ADARB2: variants seen among roughly 807,000 people sequenced by gnomAD.
The protein encoded by ADARB2 is inactive double-stranded RNA-specific editase B2.
In ADARB2, 25 loss-of-function variants were observed where a neutral mutation model predicts 62.2. The observed-to-expected ratio is 0.40, with a 90% CI of 0.29 to 0.56. The LOEUF (loss-of-function observed/expected upper bound fraction) is 0.56, where lower values mean the gene tolerates loss of function less well. Ranked by LOEUF, ADARB2 falls within the 20% of genes least tolerant of loss-of-function variation. ADARB2 has a pLI of 0.43. For synonymous variants in ADARB2, 572 were observed against 500.8 expected (o/e 1.14, Z -1.90); for missense variants, 1,071 against 1,077.4 (o/e 0.99, Z 0.08).
intron 1 of ADARB2, among the ~76,000 whole-genome samples, chr10:1,481,998 C>T (rs1372401581): frequency 6.6e-6 from 1 of 152,130 alleles, no homozygotes; most frequent in Admixed American, 6.5e-5. Context: ...AAAAGATGCT[C>T]AACATGACAA....
chr10:1,214,177 G>A (rs1485503867), intron 7 of ADARB2, among the ~76,000 whole-genome samples: 21 of 150,074 alleles, frequency 1.4e-4, no homozygotes. Flanking sequence ...ACCTGTGCCC[G>A]GACCTGCTGG....
intron 1 of ADARB2, among the ~76,000 whole-genome samples, chr10:1,730,222 T>C (rs1323865918): frequency 1.3e-5 from 2 of 152,200 alleles, no homozygotes; most frequent in Non-Finnish European, 2.9e-5. Flanking sequence ...GATCTGTTGC[T>C]GGCACCGTTA....
intron 1 of ADARB2, among the ~76,000 whole-genome samples, chr10:1,436,032 C>T (rs17156341): frequency 0.13 from 19,783 of 152,004 alleles, 1,810 homozygotes; most frequent in African/African-American, 0.25. Flanking sequence ...CCAGAGAAGT[C>T]GGGAGGATGT....
At chr10:1,425,639 G>A (rs1037786406) in intron 1 of ADARB2, among the ~76,000 whole-genome samples, 1 of 152,246 alleles carries the variant, frequency 6.6e-6, no homozygotes, top group Admixed American at 6.5e-5. Flanking sequence ...GATCTAAGCA[G>A]AACCTTCCAT....
chr10:1,563,135 C>T (rs1832809390), intron 1 of ADARB2, among the ~76,000 whole-genome samples: 1 of 151,970 alleles, frequency 6.6e-6, no homozygotes, highest in African/African-American at 2.4e-5. Flanking sequence ...ACGTGAGTCC[C>T]TGTGTCCTCC....
chr10:1,343,529 C>A (rs977077123), intron 3 of ADARB2, among the ~76,000 whole-genome samples: 5 of 152,300 alleles, frequency 3.3e-5, no homozygotes, highest in East Asian at 1.9e-4. Flanking sequence ...TGGGTATATA[C>A]CCAAAGGAAT....
In ADARB2 at chr10:1,215,668, A is replaced by G. The variant is rs560620426; in HGVS notation, c.1682+1283T>C. On this transcript the variant is annotated intron_variant, in intron 7 of 9. Transcript: ENST00000381312. ...CTGCAGATGACAGAGGAACAGGACG[A>G]CCAGAGTGTCCAAGGGTGTTCTGGG... The G allele has an allele frequency of 2.0e-5, 3 of 152,350 alleles. No homozygotes were observed. The East Asian group carries it at 5.8e-4, about 29-fold the overall frequency. The allele number at this position is 152,350 out of a possible 1,614,324, so 9.4% of individuals were successfully genotyped here. A position where few individuals can be genotyped will look rare whatever the true frequency, so the allele number is the denominator to read the frequency against.
At chr10:1,555,764 G>T (rs1438817468) in intron 1 of ADARB2, among the ~76,000 whole-genome samples, 1 of 152,096 alleles carries the variant, frequency 6.6e-6, no homozygotes, top group Non-Finnish European at 1.5e-5. Context: ...GTGAAACCCT[G>T]TCTCTACTAA....
At chr10:1,299,276 G>A (rs1050914975) in intron 3 of ADARB2, among the ~76,000 whole-genome samples, 1 of 151,942 alleles carries the variant, frequency 6.6e-6, no homozygotes. Flanking sequence ...GCAAAAGCCA[G>A]GAAGTGCAGA....
At chr10:1,680,553 G>A (rs184421435) in intron 1 of ADARB2, among the ~76,000 whole-genome samples, 3 of 152,298 alleles carry the variant, frequency 2.0e-5, no homozygotes, top group Non-Finnish European at 4.4e-5. Context: ...AGTGGAGACA[G>A]AGCCTAGGGT....
chr10:1,604,139 C>T (rs1342683966), intron 1 of ADARB2, among the ~76,000 whole-genome samples: 2 of 152,156 alleles, frequency 1.3e-5, no homozygotes, highest in African/African-American at 4.8e-5. Context: ...CTAGTCAATA[C>T]TCAGTCATCA....
At chr10:1,552,783 T>C (rs1832645785) in intron 1 of ADARB2, among the ~76,000 whole-genome samples, 1 of 152,188 alleles carries the variant, frequency 6.6e-6, no homozygotes, top group South Asian at 2.1e-4. Context: ...AGAGAGCACC[T>C]TCCTCTGGCC....
chr10:1,632,771 G>A (rs1833859334), intron 1 of ADARB2, among the ~76,000 whole-genome samples: 1 of 152,210 alleles, frequency 6.6e-6, no homozygotes, highest in Admixed American at 6.5e-5. Context: ...ACTCCCATCT[G>A]CACACTCGTT....
chr10:1,434,226 A>G (rs1301260598), intron 1 of ADARB2, among the ~76,000 whole-genome samples: 2 of 152,222 alleles, frequency 1.3e-5, no homozygotes, highest in African/African-American at 2.4e-5. Flanking sequence ...AATAACACGA[A>G]GAGGTGATGT....
At chr10:1,718,778 C>T (rs1835053743) in intron 1 of ADARB2, among the ~76,000 whole-genome samples, 1 of 152,288 alleles carries the variant, frequency 6.6e-6, no homozygotes, top group African/African-American at 2.4e-5. Context: ...GGGCTCCAGG[C>T]TCTGGCTTCC....
intron 3 of ADARB2, among the ~76,000 whole-genome samples, chr10:1,271,622 GCA>G (rs886871584): frequency 1.9e-4 from 27 of 144,524 alleles, no homozygotes; most frequent in South Asian, 1.1e-3. Flanking sequence ...ACACGAATAT[GCA>G]CACACATGCA....
At chr10:1,557,731 C>G (rs986853313) in intron 1 of ADARB2, among the ~76,000 whole-genome samples, 1 of 152,076 alleles carries the variant, frequency 6.6e-6, no homozygotes, top group African/African-American at 2.4e-5. Flanking sequence ...TGGTGAAACC[C>G]CATCTCTAAT....
intron 1 of ADARB2, chr10:1,526,828 C>A (rs1182521895): frequency 3.9e-6 from 2 of 518,096 alleles, no homozygotes; most frequent in East Asian, 5.7e-5. Context: ...GCACTTGGTG[C>A]GTGGAGGGGT....
rs1325512466 is a variant in ADARB2 at position 1,327,678 on chromosome 10, CTCACTGCACAGCGCCTCG to C, written c.1077+35332_1077+35349del. The stretch of plus-strand genomic sequence containing the variant: ...GCGCCTCCGCACTGCACAGCGCCTC[CTCACTGCACAGCGCCTCG>C]TCACAGTTTAGTGCCTACCCACAGT... On this transcript the variant is annotated intron_variant, in intron 3 of 9. Transcript: ENST00000381312. Among the ~76,000 whole-genome samples, 172 of 119,462 alleles carry C rather than the reference CTCACTGCACAGCGCCTCG, an allele frequency of 1.4e-3. 34 individuals are homozygous for C. Among genetic ancestry groups the C allele is most frequent in the Admixed American group, 2.3e-3 (29 of 12,630 alleles). 78.4% of individuals were successfully genotyped at this position (119,462 alleles called of 152,430 possible).
Sources: gnomAD v4.1 joint callset for allele counts (sites outside exome capture counted in the v4.1 genomes callset) on GRCh38, gnomAD v4.1.1 for gene constraint, MANE v1.5 for transcripts, NCBI Gene and HGNC (gene_info 2026-07-23, HGNC 2026-07-21) for gene names.